Variants in PTPRG observed in about 807,000 individuals in gnomAD.
PTPRG encodes protein tyrosine phosphatase receptor type G, also known as receptor-type tyrosine-protein phosphatase gamma.
A neutral mutation model predicts 165.3 loss-of-function variants in PTPRG; 102 were observed. That is an observed-to-expected ratio of 0.62 (90% CI 0.53 to 0.73). The LOEUF is 0.73. PTPRG is among the 30% of genes least tolerant of loss of function. The probability of loss-of-function intolerance (pLI) is 0.00; values close to 1 mark genes in which losing one functional copy is unlikely to be tolerated. For synonymous variants in PTPRG, 675 were observed against 669.5 expected (o/e 1.01, Z -0.13); for missense variants, 1,866 against 1,861.4 (o/e 1.00, Z -0.05).
At chr3:61,759,583 G>C (rs1406815480) in intron 2 of PTPRG, among the ~76,000 whole-genome samples, 3 of 152,158 alleles carry the variant, frequency 2.0e-5, no homozygotes, top group African/African-American at 7.2e-5. Context: ...CCTGAACCCA[G>C]TCAAGGCTGG....
At chr3:62,285,185 G>A (rs1261201453) in intron 28 of PTPRG, among the ~76,000 whole-genome samples, 3 of 152,096 alleles carry the variant, frequency 2.0e-5, no homozygotes, top group Non-Finnish European at 1.5e-5. Context: ...CTGGGACAGC[G>A]TGGGTACTAG....
chr3:61,619,110 T>C (rs1180609724), intron 1 of PTPRG, among the ~76,000 whole-genome samples: 1 of 151,804 alleles, frequency 6.6e-6, no homozygotes, highest in Non-Finnish European at 1.5e-5. Flanking sequence ...TGAACCGTGA[T>C]CATGCCACTG....
chr3:62,273,070 G>A lies in PTPRG; in HGVS notation c.3307G>A (p.Val1103Ile), dbSNP rs1435693144. 9 of 1,611,528 alleles carry A rather than the reference G, an allele frequency of 5.6e-6. No individual in the cohort carries two copies. Among genetic ancestry groups the A allele is most frequent in the Non-Finnish European group, 7.6e-6 (9 of 1,179,136 alleles). The change falls in exon 22 of 30, where the codon GTC becomes ATC. Residue 1103 changes from valine (V) to isoleucine (I), a missense_variant. Val to Ile is a conservative substitution (Grantham distance 29). Coordinates refer to ENST00000474889, the MANE Select transcript of PTPRG (RefSeq NM_002841.4). This position sits in a 1 kb window ranked among gnomAD's most constrained non-coding sequence, Gnocchi z 4.1. The part of the protein sequence containing the change: ...KHIRTQRNYL[V>I]QTEEQYIFIH... ...TATCAGGACACAGCGTAACTACCTC[G>A]TCCAGACTGAGGTAAGGAGTAGCTG... is the stretch of plus-strand genomic sequence containing the variant.
At chr3:62,284,507 C>CT (rs895972521) in intron 28 of PTPRG, among the ~76,000 whole-genome samples, 3 of 152,122 alleles carry the variant, frequency 2.0e-5, no homozygotes, top group Non-Finnish European at 4.4e-5. Context: ...TATCTACTAT[C>CT]TGTAGGGGAT....
rs550181968 is a variant in PTPRG at position 61,849,795 on chromosome 3, A to G, written c.190+100813A>G. Among the ~76,000 whole-genome samples the G allele has an allele frequency of 3.9e-5, 6 of 152,346 alleles. No individual in the cohort carries two copies. The South Asian group carries it at 1.2e-3, about 32-fold the overall frequency. ...AGGTCCGGAAGGACTGGGGTGCTTAACTACAGACTTTGCTGGGAGCCATCG... is the reference window on the plus strand; with the variant it reads ...AGGTCCGGAAGGACTGGGGTGCTTAGCTACAGACTTTGCTGGGAGCCATCG... On this transcript the variant is annotated intron_variant, in intron 2 of 29. Transcript: ENST00000474889.
At chr3:61,563,285 C>CT (rs1267082951) in intron 1 of PTPRG, among the ~76,000 whole-genome samples, 2 of 152,160 alleles carry the variant, frequency 1.3e-5, no homozygotes, top group African/African-American at 4.8e-5. Flanking sequence ...AGTCTCGCTC[C>CT]TTTCTGGCCA....
intron 5 of PTPRG, among the ~76,000 whole-genome samples, chr3:62,086,030 T>C (rs1458163341): frequency 6.6e-6 from 1 of 152,208 alleles, no homozygotes; most frequent in Non-Finnish European, 1.5e-5. Flanking sequence ...ATATCTTATG[T>C]ATATTTTTAA....
intron 16 of PTPRG, among the ~76,000 whole-genome samples, chr3:62,258,550 CG>C (rs1701603591): frequency 6.6e-6 from 1 of 152,066 alleles, no homozygotes; most frequent in African/African-American, 2.4e-5. Flanking sequence ...TTAAACATCT[CG>C]GAAGTAAAAA....
intron 2 of PTPRG, among the ~76,000 whole-genome samples, chr3:61,945,347 GTCAGGAGT>G (rs2039730860): frequency 6.6e-6 from 1 of 152,012 alleles, no homozygotes; most frequent in African/African-American, 2.4e-5. Context: ...ATCACCTGAG[GTCAGGAGT>G]TCGAGACGAG....
At chr3:61,859,407 G>C (rs532426344) in intron 2 of PTPRG, among the ~76,000 whole-genome samples, 25 of 152,188 alleles carry the variant, frequency 1.6e-4, no homozygotes, top group African/African-American at 6.0e-4. Flanking sequence ...GTCTAATTTT[G>C]AATTACCCTT....
chr3:62,102,005 C>G (rs947378450), intron 5 of PTPRG, among the ~76,000 whole-genome samples: 1 of 151,594 alleles, frequency 6.6e-6, no homozygotes. Context: ...CTTTTTTTTC[C>G]TACTTTGATT....
At chr3:61,688,596 C>T (rs1047668273) in intron 1 of PTPRG, among the ~76,000 whole-genome samples, 2 of 152,224 alleles carry the variant, frequency 1.3e-5, no homozygotes, top group African/African-American at 4.8e-5. Flanking sequence ...GGGCTCCTCA[C>T]TGAGCAGGAT....
chr3:62,104,822 TTCAGAGC>T (rs1702416969), intron 5 of PTPRG, among the ~76,000 whole-genome samples: 1 of 152,180 alleles, frequency 6.6e-6, no homozygotes, highest in Admixed American at 6.5e-5. Flanking sequence ...TGTCAAAAAC[TTCAGAGC>T]TTTGCAGATT....
intron 1 of PTPRG, among the ~76,000 whole-genome samples, chr3:61,603,105 A>G (rs1054989781): frequency 6.6e-6 from 1 of 152,216 alleles, no homozygotes; most frequent in South Asian, 2.1e-4. Context: ...CATGGAAATC[A>G]GCAAACACTA....
intron 4 of PTPRG, among the ~76,000 whole-genome samples, chr3:62,068,106 A>G (rs1037023055): frequency 2.6e-5 from 4 of 152,184 alleles, no homozygotes; most frequent in Non-Finnish European, 5.9e-5. Flanking sequence ...AAGACCTACT[A>G]TCTCAGCCTT....
intron 1 of PTPRG, among the ~76,000 whole-genome samples, chr3:61,604,995 A>G (rs995360001): frequency 2.6e-5 from 4 of 152,152 alleles, no homozygotes; most frequent in Non-Finnish European, 4.4e-5. Context: ...AAAGGGGACA[A>G]CTGACGAGGT....
intron 15 of PTPRG, among the ~76,000 whole-genome samples, chr3:62,244,591 C>A (rs1701248953): frequency 6.6e-6 from 1 of 152,150 alleles, no homozygotes; most frequent in African/African-American, 2.4e-5. Flanking sequence ...CATCTATCCT[C>A]TTGACATTAC....
intron 1 of PTPRG, among the ~76,000 whole-genome samples, chr3:61,598,114 G>T (rs1700750424): frequency 6.6e-6 from 1 of 152,172 alleles, no homozygotes; most frequent in East Asian, 1.9e-4. Context: ...GTGGTAACAA[G>T]CTAAAAGTGA....
rs540544154 is a variant in PTPRG, at chr3:61,953,066, G to C, written c.191-36559G>C. Among the ~76,000 whole-genome samples, 10 of 151,908 alleles carry C rather than the reference G, an allele frequency of 6.6e-5. No homozygotes were observed. The East Asian group carries it at 1.9e-3, about 29-fold the overall frequency. On this transcript the variant is annotated intron_variant, in intron 2 of 29. Transcript: ENST00000474889. ...CAGCAATGACTTTTCTTAATTTCTC[G>C]CCCTTTCTACTTACCGTGCCCCAGG...
Sources: gnomAD v4.1 joint callset for allele counts (sites outside exome capture counted in the v4.1 genomes callset) on GRCh38, gnomAD v4.1.1 for gene constraint, Gnocchi (gnomAD v3.1) non-coding constraint, MANE v1.5 for transcripts, NCBI Gene and HGNC (gene_info 2026-07-23, HGNC 2026-07-21) for gene names.